RBMS1: variants seen among roughly 807,000 people sequenced by gnomAD.
The protein encoded by RBMS1 is RNA-binding motif, single-stranded-interacting protein 1.
A neutral mutation model predicts 62.3 loss-of-function variants in RBMS1; 17 were observed. The ratio of observed to expected loss-of-function variants is 0.27; its 90% CI spans 0.19 to 0.41. RBMS1 has a LOEUF of 0.41. RBMS1 is among the 10% of genes least tolerant of loss of function. The probability of loss-of-function intolerance (pLI) is 1.00; values close to 1 mark genes in which losing one functional copy is unlikely to be tolerated. For synonymous variants in RBMS1, 172 were observed against 170.0 expected (o/e 1.01, Z -0.09); for missense variants, 334 against 504.5 (o/e 0.66, Z 3.24).
chr2:160,282,431 T>C (rs1271291118), intron 9 of RBMS1: 1 of 717,784 alleles, frequency 1.4e-6, no homozygotes, highest in East Asian at 5.4e-5. Context: ...TGCATAAGCT[T>C]ATGGTGGTTT....
At chr2:160,278,505 C>T in intron 11 of RBMS1, 43 bp downstream of exon 11, 1 of 1,490,716 alleles carries the variant, frequency 6.7e-7, no homozygotes, top group Non-Finnish European at 9.3e-7. Context: ...TTAATTTACC[C>T]TCCTCTGTTT....
chr2:160,345,566 T>C (rs1207677666), intron 2 of RBMS1, among the ~76,000 whole-genome samples: 1 of 152,162 alleles, frequency 6.6e-6, no homozygotes, highest in Non-Finnish European at 1.5e-5. Flanking sequence ...TGCTGGTAAC[T>C]GGTAGGTCCA....
intron 2 of RBMS1, among the ~76,000 whole-genome samples, chr2:160,358,456 T>C (rs1179292630): frequency 1.3e-5 from 2 of 152,198 alleles, no homozygotes; most frequent in Admixed American, 6.5e-5. Context: ...GTCATCCTAT[T>C]ATGCTAGCAA....
chr2:160,333,154 T>G (rs1573878527), intron 2 of RBMS1, among the ~76,000 whole-genome samples: 1 of 151,830 alleles, frequency 6.6e-6, no homozygotes, highest in Non-Finnish European at 1.5e-5. Flanking sequence ...GCAGAAAGGG[T>G]AGGTGGGCTT....
At position 160,391,263 on chromosome 2, in the gene RBMS1, G is replaced by A. The variant is rs1289436535; in HGVS notation, c.76-23872C>T. ...CACAGACAGGCAGGCACACAGACAG[G>A]CAGGCACACAGACAGAATGTCATGT... On this transcript the variant is annotated intron_variant, in intron 1 of 13. Transcript: ENST00000348849. Among the ~76,000 whole-genome samples the A allele has an allele frequency of 2.7e-5, 4 of 150,468 alleles. No individual in the cohort carries two copies. In the South Asian group the frequency reaches 6.4e-4, roughly 24 times the overall value.
chr2:160,461,619 T>G (rs1236257820), intron 1 of RBMS1, among the ~76,000 whole-genome samples: 1 of 152,238 alleles, frequency 6.6e-6, no homozygotes, highest in African/African-American at 2.4e-5. Flanking sequence ...TGTGCAGGCC[T>G]GCAAAGGCTG....
Position 160,372,129 on chromosome 2 carries a change from T to C in RBMS1, c.76-4738A>G, listed in dbSNP as rs187731159. 2.3e-3 allele frequency among the ~76,000 whole-genome samples: 355 copies of C among 152,314 alleles called. 1 individual carries two copies. The highest frequency in any genetic ancestry group is 8.2e-3 in the African/African-American group (339 of 41,544). On this transcript the variant is annotated intron_variant, in intron 1 of 13. Coordinates refer to ENST00000348849, the MANE Select transcript of RBMS1 (RefSeq NM_016836.4). ...TGTCTCATTTCCTTCCTATTACTAA[T>C]AGGCTAAAGAACAGTGCTCTGACCA...
At chr2:160,457,361 C>A (rs1368225102) in intron 1 of RBMS1, among the ~76,000 whole-genome samples, 2 of 152,100 alleles carry the variant, frequency 1.3e-5, no homozygotes, top group African/African-American at 2.4e-5. Flanking sequence ...AACTCCCGAC[C>A]TCAGGTGATC....
chr2:160,299,737 T>G (rs1232304450), intron 6 of RBMS1, among the ~76,000 whole-genome samples: 1 of 152,178 alleles, frequency 6.6e-6, no homozygotes, highest in African/African-American at 2.4e-5. Flanking sequence ...GATTTCAATT[T>G]TATTCATCAA....
intron 1 of RBMS1, among the ~76,000 whole-genome samples, chr2:160,386,319 C>G (rs1253048274): frequency 1.3e-5 from 2 of 152,132 alleles, no homozygotes; most frequent in African/African-American, 4.8e-5. Context: ...AGGTGGATCA[C>G]GAGGTCAAGA....
At chr2:160,278,712 T>C (rs906355788) in intron 10 of RBMS1, 54 bp from the exon 11 acceptor site, 2 of 1,125,346 alleles carry the variant, frequency 1.8e-6, no homozygotes, top group Non-Finnish European at 2.6e-6. Flanking sequence ...AGAGTTAAGA[T>C]CCTGTAATTA....
chr2:160,474,593 A>G (rs1685051921), intron 1 of RBMS1, among the ~76,000 whole-genome samples: 1 of 152,262 alleles, frequency 6.6e-6, no homozygotes, highest in African/African-American at 2.4e-5. Context: ...ACTGAATTGT[A>G]CACAAAAAAT....
chr2:160,288,000 A>G (rs938943733), intron 6 of RBMS1, among the ~76,000 whole-genome samples: 6 of 151,118 alleles, frequency 4.0e-5, no homozygotes, highest in Non-Finnish European at 1.5e-5. Flanking sequence ...ACAGAAAAGC[A>G]GAAGATGTAG....
intron 2 of RBMS1, among the ~76,000 whole-genome samples, chr2:160,346,992 GAA>G (rs1474227915): frequency 6.6e-6 from 1 of 151,614 alleles, no homozygotes. Flanking sequence ...GCAGTACTAA[GAA>G]AAAAAGATAT....
chr2:160,403,052 C>A (rs964008486), intron 1 of RBMS1, among the ~76,000 whole-genome samples: 2 of 152,122 alleles, frequency 1.3e-5, no homozygotes, highest in African/African-American at 4.8e-5. Flanking sequence ...CTGAAGTGAA[C>A]TATGGAACAT....
intron 6 of RBMS1, among the ~76,000 whole-genome samples, chr2:160,292,386 C>T (rs1262226245): frequency 1.3e-5 from 2 of 152,158 alleles, no homozygotes; most frequent in Admixed American, 1.3e-4. Flanking sequence ...GGAGCTCAAA[C>T]TTTTGAATTA....
At chr2:160,402,371 G>A (rs1695476258) in intron 1 of RBMS1, among the ~76,000 whole-genome samples, 1 of 152,190 alleles carries the variant, frequency 6.6e-6, no homozygotes, top group Non-Finnish European at 1.5e-5. Flanking sequence ...AGTGGAAAAA[G>A]TAATAGTATG....
At chr2:160,384,986 CCT>C (rs1470771806) in intron 1 of RBMS1, among the ~76,000 whole-genome samples, 3 of 151,458 alleles carry the variant, frequency 2.0e-5, no homozygotes, top group African/African-American at 4.8e-5. Flanking sequence ...GTGGCCTTTC[CCT>C]CTCTCTCTCT....
At chr2:160,463,859 G>A (rs1684572132) in intron 1 of RBMS1, among the ~76,000 whole-genome samples, 1 of 152,086 alleles carries the variant, frequency 6.6e-6, no homozygotes, top group Non-Finnish European at 1.5e-5. Flanking sequence ...TTCATTCCAT[G>A]GCTGTTCTCT....
Sources: allele counts gnomAD v4.1 joint callset (sites outside exome capture counted in the v4.1 genomes callset), GRCh38; gene constraint gnomAD v4.1.1; transcripts MANE v1.5; gene names NCBI Gene and HGNC (gene_info 2026-07-23, HGNC 2026-07-21).